The following CTNNA3 variants were observed in gnomAD, a reference collection of about 807,000 sequenced individuals.
CTNNA3 encodes the protein catenin alpha 3.
CTNNA3 carries 76 observed loss-of-function variants against 95.7 expected under a neutral mutation model. The observed-to-expected ratio is 0.79, with a 90% CI of 0.66 to 0.96. The LOEUF is 0.96. CTNNA3 is among the 40% of genes least tolerant of loss of function. The probability of loss-of-function intolerance (pLI) is 0.00; values close to 1 mark genes in which losing one functional copy is unlikely to be tolerated. For missense variants in CTNNA3, 1,191 were observed against 1,089.8 expected (o/e 1.09, Z -1.31); for synonymous variants, 431 against 374.4 (o/e 1.15, Z -1.74).
At position 66,108,371 on chromosome 10, in the gene CTNNA3, A is replaced by G. The variant is rs570156683; in HGVS notation, c.1885-5122T>C. 2.8e-4 allele frequency among the ~76,000 whole-genome samples: 42 copies of G among 151,980 alleles called. No individual in the cohort carries two copies. The South Asian group carries it at 7.7e-3, about 28-fold the overall frequency. On this transcript the variant is annotated intron_variant, in intron 13 of 17. Coordinates refer to ENST00000433211, the MANE Select transcript of CTNNA3 (RefSeq NM_013266.4). The stretch of plus-strand genomic sequence containing the variant: ...CTTTTCTCCTCCTCAAACATGTCCC[A>G]CTTGTCAGCACTTTCCACTTAAGAC...
intron 3 of CTNNA3, among the ~76,000 whole-genome samples, chr10:67,576,796 C>T (rs1233019683): frequency 9.2e-6 from 1 of 108,312 alleles, no homozygotes; most frequent in African/African-American, 5.6e-5. Context: ...TGAGTGAGAA[C>T]ATGCGGTGTT....
chr10:66,625,967 T>C (rs911418387), intron 9 of CTNNA3, among the ~76,000 whole-genome samples: 2 of 151,562 alleles, frequency 1.3e-5, no homozygotes, highest in African/African-American at 4.9e-5. Context: ...ATGAAACAGA[T>C]ATTTTGAGAT....
At chr10:67,727,110 CAT>C (rs1378337566) in intron 1 of CTNNA3, among the ~76,000 whole-genome samples, 2 of 108,850 alleles carry the variant, frequency 1.8e-5, no homozygotes, top group East Asian at 2.7e-4. Flanking sequence ...ATATATGATA[CAT>C]ATATGATATA....
At chr10:67,147,709 C>T (rs1242178231) in intron 7 of CTNNA3, among the ~76,000 whole-genome samples, 3 of 152,078 alleles carry the variant, frequency 2.0e-5, no homozygotes, top group Non-Finnish European at 4.4e-5. Context: ...TGTTGTTTTG[C>T]TCTTCTTTTC....
At chr10:66,616,405 G>A (rs1028745052) in intron 10 of CTNNA3, among the ~76,000 whole-genome samples, 4 of 152,018 alleles carry the variant, frequency 2.6e-5, no homozygotes, top group African/African-American at 7.2e-5. Context: ...TTTGCCCCTC[G>A]GGGCCCTTCA....
chr10:67,188,662 A>G (rs981348216), intron 6 of CTNNA3, among the ~76,000 whole-genome samples: 3 of 152,214 alleles, frequency 2.0e-5, no homozygotes, highest in Admixed American at 6.5e-5. Flanking sequence ...AAGGGAAATG[A>G]AATCAGTATA....
chr10:66,791,371 C>T (rs1442762194), intron 7 of CTNNA3, among the ~76,000 whole-genome samples: 1 of 152,186 alleles, frequency 6.6e-6, no homozygotes, highest in Admixed American at 6.5e-5. Context: ...GATAGTTAAA[C>T]ATGTCATTCC....
intron 13 of CTNNA3, among the ~76,000 whole-genome samples, chr10:66,167,485 T>C (rs971040965): frequency 1.3e-5 from 2 of 152,168 alleles, no homozygotes; most frequent in African/African-American, 4.8e-5. Flanking sequence ...TTAACGTCTT[T>C]TGAAGTTCCT....
intron 14 of CTNNA3, among the ~76,000 whole-genome samples, chr10:66,098,354 T>C (rs1422737396): frequency 1.3e-5 from 2 of 152,176 alleles, no homozygotes; most frequent in African/African-American, 4.8e-5. Context: ...TGGTCCCAGT[T>C]AATATGGCTT....
At chr10:66,594,064 C>G (rs995244520) in intron 10 of CTNNA3, among the ~76,000 whole-genome samples, 1 of 152,100 alleles carries the variant, frequency 6.6e-6, no homozygotes, top group African/African-American at 2.4e-5. Flanking sequence ...ATTTGGGTAT[C>G]TGAAACAATA....
chr10:66,052,089 T>C (rs1004988768), intron 15 of CTNNA3, among the ~76,000 whole-genome samples: 3 of 152,152 alleles, frequency 2.0e-5, no homozygotes, highest in East Asian at 1.9e-4. Flanking sequence ...TAAGTAAATA[T>C]AATGATTTGA....
Position 67,202,610 on chromosome 10 carries a change from A to C in CTNNA3, c.843+16997T>G, listed in dbSNP as rs78559192. On this transcript the variant is annotated intron_variant, in intron 6 of 17. Transcript: ENST00000433211. ...TTTACTAATTTTTAATGTAAGAATT[A>C]ATAATTCTCATAGGCTACTTCTCTT... is the stretch of plus-strand genomic sequence containing the variant. 9.4e-3 allele frequency among the ~76,000 whole-genome samples: 1,437 copies of C among 152,296 alleles called. 10 individuals carry two copies. Among genetic ancestry groups the C allele is most frequent in the Non-Finnish European group, 0.014 (953 of 68,020 alleles).
intron 11 of CTNNA3, among the ~76,000 whole-genome samples, chr10:66,392,766 C>T (rs750725397): frequency 6.6e-6 from 1 of 152,082 alleles, no homozygotes; most frequent in Non-Finnish European, 1.5e-5. Context: ...TAAGAACTCT[C>T]GTTCATCGCT....
chr10:66,672,413 T>C (rs1846696067), intron 9 of CTNNA3, among the ~76,000 whole-genome samples: 1 of 152,038 alleles, frequency 6.6e-6, no homozygotes, highest in South Asian at 2.1e-4. Context: ...CTGATTTAAA[T>C]TGAACAAGAA....
chr10:66,659,585 A>G (rs1300855477), intron 9 of CTNNA3, among the ~76,000 whole-genome samples: 1 of 152,176 alleles, frequency 6.6e-6, no homozygotes, highest in East Asian at 1.9e-4. Context: ...ATATGTTTAA[A>G]TCCTAACCTC....
At chr10:67,696,494 A>G (rs769965040), upstream of CTNNA3, among the ~76,000 whole-genome samples, 36 of 152,296 alleles carry the variant, frequency 2.4e-4, no homozygotes, top group Middle Eastern at 3.4e-3. Context: ...GTAAAATTCA[A>G]TGTCTTCAGA....
At chr10:67,652,867 T>A (rs1440358418) in intron 1 of CTNNA3, among the ~76,000 whole-genome samples, 2 of 152,252 alleles carry the variant, frequency 1.3e-5, no homozygotes, top group Non-Finnish European at 2.9e-5. Context: ...ACCTTCAGCA[T>A]GTCCTGCCAG....
At chr10:67,577,981 G>T (rs1271033573) in intron 3 of CTNNA3, among the ~76,000 whole-genome samples, 1 of 145,206 alleles carries the variant, frequency 6.9e-6, no homozygotes, top group Non-Finnish European at 1.5e-5. Flanking sequence ...GAATATAAGA[G>T]TTTTCTTTTC....
intron 15 of CTNNA3, among the ~76,000 whole-genome samples, chr10:66,022,134 A>G (rs1482748581): frequency 4.6e-5 from 7 of 152,104 alleles, no homozygotes; most frequent in Non-Finnish European, 1.0e-4. Flanking sequence ...CTGAGATTAC[A>G]GGCTTGAGCC....
Sources: gnomAD v4.1 joint callset for allele counts (sites outside exome capture counted in the v4.1 genomes callset) on GRCh38, gnomAD v4.1.1 for gene constraint, MANE v1.5 for transcripts, NCBI Gene and HGNC (gene_info 2026-07-23, HGNC 2026-07-21) for gene names.